The following CDH6 variants were observed in gnomAD, a reference collection of about 807,000 sequenced individuals.
CDH6 encodes the protein cadherin-6.
CDH6 carries 31 observed loss-of-function variants against 78.0 expected under a neutral mutation model. The observed-to-expected ratio is 0.40, with a 90% CI of 0.30 to 0.54. The LOEUF is 0.54. Among genes scored for constraint, CDH6 ranks in the 20% least tolerant of loss-of-function variants. The pLI is 0.56. For synonymous variants in CDH6, 376 were observed against 368.8 expected, an observed-to-expected ratio of 1.02 and a Z score of -0.23; for missense variants, 724 against 975.9, an observed-to-expected ratio of 0.74 and a Z score of 3.44.
chr5:31,292,822 CATAT>C (rs1160180405), intron 2 of CDH6, among the ~76,000 whole-genome samples: 149 of 49,944 alleles, frequency 3.0e-3, no homozygotes, highest in African/African-American at 0.012. Flanking sequence ...TATATGTGTG[CATAT>C]ATATATATAT....
At chr5:31,321,371 T>C (rs1038036843) in intron 11 of CDH6, among the ~76,000 whole-genome samples, 1 of 152,198 alleles carries the variant, frequency 6.6e-6, no homozygotes, top group African/African-American at 2.4e-5. Flanking sequence ...TAGTCTATAC[T>C]CCAAATCTGC....
intron 2 of CDH6, among the ~76,000 whole-genome samples, chr5:31,292,380 C>T (rs1737396456): frequency 6.6e-6 from 1 of 152,166 alleles, no homozygotes; most frequent in South Asian, 2.1e-4. Flanking sequence ...TTCTTTCCCT[C>T]AGCACTTCCT....
At chr5:31,266,608 C>T (rs1346841069) in intron 1 of CDH6, among the ~76,000 whole-genome samples, 1 of 151,326 alleles carries the variant, frequency 6.6e-6, no homozygotes, top group African/African-American at 2.4e-5. Context: ...CTGAATCACC[C>T]ATCCTATAGT....
chr5:31,195,660 T>C (rs758789253), intron 1 of CDH6, among the ~76,000 whole-genome samples: 29 of 152,292 alleles, frequency 1.9e-4, no homozygotes, highest in Non-Finnish European at 3.4e-4. Flanking sequence ...AGGGTAAAGT[T>C]TATGCCAGAG....
At chr5:31,312,723 C>A (rs111778116) in intron 7 of CDH6, among the ~76,000 whole-genome samples, 195 of 151,926 alleles carry the variant, frequency 1.3e-3, no homozygotes, top group African/African-American at 4.1e-3. Flanking sequence ...AACAAAAAAA[C>A]CCTTGGGTAG....
chr5:31,291,481 A>G (rs1419211332), intron 2 of CDH6, among the ~76,000 whole-genome samples: 2 of 152,200 alleles, frequency 1.3e-5, no homozygotes, highest in Admixed American at 6.5e-5. Context: ...CAGCCTGGCC[A>G]TGTAGCTCTT....
At chr5:31,221,339 T>G (rs1229938423) in intron 1 of CDH6, among the ~76,000 whole-genome samples, 2 of 152,192 alleles carry the variant, frequency 1.3e-5, no homozygotes, top group African/African-American at 2.4e-5. Context: ...AACCCTTTAT[T>G]GGTCTTGTGC....
chr5:31,265,130 A>G (rs555819099), intron 1 of CDH6, among the ~76,000 whole-genome samples: 1 of 152,352 alleles, frequency 6.6e-6, no homozygotes, highest in African/African-American at 2.4e-5. Flanking sequence ...AATTAAGAAA[A>G]ATGTAATTTC....
intron 1 of CDH6, 100 bp from the exon 2 acceptor site, chr5:31,267,246 T>C: frequency 2.0e-6 from 1 of 498,224 alleles, no homozygotes; most frequent in Non-Finnish European, 3.6e-6. Flanking sequence ...TTTGTTGTTT[T>C]GCTATTCAAA....
At chr5:31,262,948 C>T (rs763534250) in intron 1 of CDH6, among the ~76,000 whole-genome samples, 5 of 152,100 alleles carry the variant, frequency 3.3e-5, no homozygotes, top group African/African-American at 1.2e-4. Flanking sequence ...CGTTCTGCAC[C>T]GTAAGAATCC....
Position 31,305,175 on chromosome 5 carries a change from T to C in CDH6, c.1001T>C (p.Leu334Pro). The C allele has an allele frequency of 6.2e-7, 1 of 1,610,692 alleles. No homozygotes were observed. The highest frequency in any genetic ancestry group is 1.7e-5 in the Admixed American group (1 of 59,664). ...TCTTCCCCCACCCCCAACCTCAAGC[T>C]CTTGGACTTTGAAAAGAAGAAAGTG... Reference protein sequence around the residue: ...TQEGIITVKKLLDFEKKKVYT... With the variant: ...TQEGIITVKKPLDFEKKKVYT... The change falls in exon 7 of 12, where the codon CTC becomes CCC. Residue 334 changes from leucine (L) to proline (P), a missense_variant and splice_region_variant. Coordinates refer to ENST00000265071, the MANE Select transcript of CDH6 (RefSeq NM_004932.4).
intron 1 of CDH6, among the ~76,000 whole-genome samples, chr5:31,203,650 A>T (rs562828086): frequency 1.3e-5 from 2 of 151,564 alleles, no homozygotes; most frequent in African/African-American, 4.9e-5. Context: ...TCTATCATTG[A>T]TGGACATTTG....
chr5:31,196,611 A>G (rs938518365), intron 1 of CDH6, among the ~76,000 whole-genome samples: 1 of 152,206 alleles, frequency 6.6e-6, no homozygotes, highest in African/African-American at 2.4e-5. Flanking sequence ...GTTACCTAAG[A>G]TAAGAGTATA....
At chr5:31,274,480 C>T (rs1225744047) in intron 2 of CDH6, among the ~76,000 whole-genome samples, 1 of 152,204 alleles carries the variant, frequency 6.6e-6, no homozygotes, top group Non-Finnish European at 1.5e-5. Flanking sequence ...TTCATCATGC[C>T]TGTGGAATCC....
At chr5:31,280,728 T>G (rs1048938379) in intron 2 of CDH6, among the ~76,000 whole-genome samples, 13 of 152,058 alleles carry the variant, frequency 8.5e-5, no homozygotes, top group African/African-American at 3.1e-4. Context: ...TTGCTAATGT[T>G]TCAGTTGGTT....
At chr5:31,319,809 C>G (rs1416779890) in intron 11 of CDH6, among the ~76,000 whole-genome samples, 9 of 152,206 alleles carry the variant, frequency 5.9e-5, no homozygotes, top group Admixed American at 2.0e-4. Context: ...GTAAAAACAA[C>G]TAGACAACTA....
chr5:31,327,907 GTC>G lies in CDH6; in HGVS notation c.*4603_*4604del, dbSNP rs934899924. On this transcript the variant is annotated 3_prime_UTR_variant, in exon 12 of 12. Transcript: ENST00000265071. ...TCATTTTTAAAGCCGGAAGTTTATGGTCTCTGCATCGTCAATTTAATTTAAGC... is the reference window on the plus strand; with the variant it reads ...TCATTTTTAAAGCCGGAAGTTTATGGTCTGCATCGTCAATTTAATTTAAGC... 6 of 216,546 alleles carry G rather than the reference GTC, an allele frequency of 2.8e-5. No individual in the cohort carries two copies. Among genetic ancestry groups the G allele is most frequent in the African/African-American group, 1.3e-4 (6 of 44,544 alleles). The allele number at this position is 216,546 out of a possible 1,614,324, so 13.4% of individuals were successfully genotyped here.
At position 31,302,850 on chromosome 5, in the gene CDH6, AAG is replaced by A. The variant is rs1358574248; in HGVS notation, c.999+556_999+557del. 1.6e-3 allele frequency among the ~76,000 whole-genome samples: 237 copies of A among 145,670 alleles called. 2 individuals are homozygous for A. The highest frequency in any genetic ancestry group is 2.6e-3 in the Non-Finnish European group (172 of 66,152). On this transcript the variant is annotated intron_variant, in intron 6 of 11. Transcript: ENST00000265071. The stretch of plus-strand genomic sequence containing the variant: ...AAAGAAAGAAAGAAAGAAAGAAAGA[AAG>A]AGAAAGAAAGGAAGAAAGGAGGGAA...
chr5:31,200,504 T>G (rs548313975), intron 1 of CDH6, among the ~76,000 whole-genome samples: 1 of 152,000 alleles, frequency 6.6e-6, no homozygotes, highest in African/African-American at 2.4e-5. Flanking sequence ...TTTTGTTACT[T>G]CATTACTATC....
Sources: gnomAD v4.1 joint callset for allele counts (sites outside exome capture counted in the v4.1 genomes callset) on GRCh38, gnomAD v4.1.1 for gene constraint, MANE v1.5 for transcripts, NCBI Gene and HGNC (gene_info 2026-07-23, HGNC 2026-07-21) for gene names.